GBE1: variants seen among roughly 807,000 people sequenced by gnomAD.
The protein encoded by GBE1 is 1,4-alpha-glucan-branching enzyme.
Under a neutral mutation model 88.8 loss-of-function variants are expected in GBE1, and 70 were observed. The observed-to-expected ratio is 0.79, with a 90% confidence interval of 0.65 to 0.96. The LOEUF is 0.96. GBE1 is among the 40% of genes least tolerant of loss of function. GBE1 has a pLI of 0.00. For missense variants in GBE1, 872 were observed against 871.0 expected (o/e 1.00, Z -0.01); for synonymous variants, 284 against 300.1 (o/e 0.95, Z 0.56).
intron 7 of GBE1, among the ~76,000 whole-genome samples, chr3:81,629,018 G>GTTTTTTTTTTTTT (rs34707682): frequency 4.3e-4 from 42 of 97,958 alleles, no homozygotes; most frequent in African/African-American, 9.3e-4. Flanking sequence ...TTATGTTTAA[G>GTTTTTTTTTTTTT]TTTTTTTTTT....
intron 3 of GBE1, among the ~76,000 whole-genome samples, chr3:81,663,658 T>C (rs1410673062): frequency 6.6e-6 from 1 of 152,072 alleles, no homozygotes; most frequent in Non-Finnish European, 1.5e-5. Context: ...AGGGTCTAAT[T>C]GAGCTGGTTA....
At chr3:81,552,597 A>G (rs957728701) in intron 12 of GBE1, among the ~76,000 whole-genome samples, 3 of 151,684 alleles carry the variant, frequency 2.0e-5, no homozygotes, top group African/African-American at 7.3e-5. Context: ...AGCAATGTCC[A>G]TAAGTGCAAA....
At chr3:81,750,667 A>ACG (rs1195742492) in intron 1 of GBE1, among the ~76,000 whole-genome samples, 7 of 78,424 alleles carry the variant, frequency 8.9e-5, no homozygotes, top group African/African-American at 5.8e-4. Flanking sequence ...ATGTATATAT[A>ACG]TATATACGTA....
At chr3:81,711,852 A>G (rs1022371077) in intron 1 of GBE1, among the ~76,000 whole-genome samples, 1 of 152,136 alleles carries the variant, frequency 6.6e-6, no homozygotes, top group African/African-American at 2.4e-5. Flanking sequence ...AGAAACTACC[A>G]TTGAAGTGAA....
At chr3:81,579,466 A>G (rs570828692) in intron 11 of GBE1, among the ~76,000 whole-genome samples, 24 of 152,208 alleles carry the variant, frequency 1.6e-4, no homozygotes, top group Middle Eastern at 6.8e-3. Flanking sequence ...GTAGAAATTT[A>G]CGTAAGAAAT....
intron 1 of GBE1, among the ~76,000 whole-genome samples, chr3:81,757,128 C>A (rs1422167101): frequency 2.0e-5 from 3 of 152,048 alleles, no homozygotes; most frequent in African/African-American, 7.2e-5. Context: ...AAAAGGAATG[C>A]ATGTGGGAAA....
intron 12 of GBE1, among the ~76,000 whole-genome samples, chr3:81,541,826 T>G (rs2106879260): frequency 6.6e-6 from 1 of 152,250 alleles, no homozygotes; most frequent in Middle Eastern, 3.4e-3. Flanking sequence ...AGTAGCATAA[T>G]TACAATTAAA....
intron 1 of GBE1, among the ~76,000 whole-genome samples, chr3:81,737,403 T>A (rs373310167): frequency 0.046 from 1,233 of 26,640 alleles, 13 homozygotes; most frequent in East Asian, 0.098. Flanking sequence ...ATAAATATAT[T>A]TTTATATATT....
chr3:81,708,222 T>C (rs1705805670), intron 1 of GBE1, among the ~76,000 whole-genome samples: 1 of 151,968 alleles, frequency 6.6e-6, no homozygotes, highest in Admixed American at 6.6e-5. Flanking sequence ...ATTCAGTATG[T>C]GATGAAAGGG....
At chr3:81,492,174 A>C (rs1702445634) in intron 15 of GBE1, among the ~76,000 whole-genome samples, 1 of 152,208 alleles carries the variant, frequency 6.6e-6, no homozygotes, top group Non-Finnish European at 1.5e-5. Context: ...TGTAGTCACT[A>C]AGTGTGAGAA....
chr3:81,743,791 A>T (rs1706384284), intron 1 of GBE1, among the ~76,000 whole-genome samples: 1 of 152,152 alleles, frequency 6.6e-6, no homozygotes, highest in African/African-American at 2.4e-5. Context: ...TTAGCATTAA[A>T]AAAAGACATG....
chr3:81,531,114 G>C (rs374997610), intron 14 of GBE1, among the ~76,000 whole-genome samples: 15 of 151,352 alleles, frequency 9.9e-5, no homozygotes, highest in African/African-American at 3.6e-4. Context: ...ACCACCCCAA[G>C]GCCATGGCAC....
At chr3:81,584,303 C>T (rs1256196282) in intron 10 of GBE1, among the ~76,000 whole-genome samples, 1 of 151,998 alleles carries the variant, frequency 6.6e-6, no homozygotes, top group East Asian at 1.9e-4. Flanking sequence ...TAATTTAACT[C>T]ATACTGTATG....
At chr3:81,498,129 C>T (rs534208549) in intron 15 of GBE1, among the ~76,000 whole-genome samples, 30 of 152,282 alleles carry the variant, frequency 2.0e-4, no homozygotes, top group African/African-American at 6.5e-4. Context: ...CAGCAACTCA[C>T]TCTTTGTAAT....
chr3:81,755,045 T>C (rs372624653), intron 1 of GBE1, among the ~76,000 whole-genome samples: 18 of 151,922 alleles, frequency 1.2e-4, no homozygotes, highest in African/African-American at 4.1e-4. Context: ...AGACAACCCA[T>C]AGAATAGGAG....
At chr3:81,546,180 A>G (rs928230897) in intron 12 of GBE1, among the ~76,000 whole-genome samples, 6 of 152,022 alleles carry the variant, frequency 3.9e-5, no homozygotes, top group Non-Finnish European at 7.4e-5. Context: ...CCCAGTGGAA[A>G]AGTAGAAACC....
At chr3:81,713,979 TTC>T (rs933183760) in intron 1 of GBE1, among the ~76,000 whole-genome samples, 2 of 152,168 alleles carry the variant, frequency 1.3e-5, no homozygotes, top group Non-Finnish European at 2.9e-5. Flanking sequence ...CTTGAAGATA[TTC>T]TCTGTTATGT....
intron 2 of GBE1, among the ~76,000 whole-genome samples, chr3:81,681,638 C>A (rs142163716): frequency 6.6e-6 from 1 of 152,226 alleles, no homozygotes; most frequent in Non-Finnish European, 1.5e-5. Flanking sequence ...GTGTCTATGG[C>A]CAACTGGTTT....
intron 1 of GBE1, among the ~76,000 whole-genome samples, chr3:81,747,972 C>T (rs555829045): frequency 3.1e-4 from 47 of 152,244 alleles, no homozygotes; most frequent in African/African-American, 9.9e-4. Context: ...TCTCTTCACA[C>T]GGACGCGCAT....
Sources: allele counts gnomAD v4.1 joint callset (sites outside exome capture counted in the v4.1 genomes callset), GRCh38; gene constraint gnomAD v4.1.1; transcripts MANE v1.5; gene names NCBI Gene and HGNC (gene_info 2026-07-23, HGNC 2026-07-21).